Variants in SON observed in about 807,000 individuals in gnomAD.
SON encodes the protein SON DNA and RNA binding protein, also known as protein SON.
Under a neutral mutation model 173.3 loss-of-function variants are expected in SON, and 4 were observed. That is an observed-to-expected ratio of 0.02 (90% CI 0.01 to 0.05). The LOEUF (loss-of-function observed/expected upper bound fraction) is 0.05, where lower values mean the gene tolerates loss of function less well. SON is among the 10% of genes least tolerant of loss of function. The pLI is 1.00. For synonymous variants in SON, 1,190 were observed against 1,105.9 expected, an observed-to-expected ratio of 1.08 and a Z score of -1.51; for missense variants, 2,626 against 3,055.3, an observed-to-expected ratio of 0.86 and a Z score of 3.31.
At chr21:33,564,032 C>T (rs1046512533) in intron 6 of SON, among the ~76,000 whole-genome samples, 14 of 152,118 alleles carry the variant, frequency 9.2e-5, no homozygotes, top group African/African-American at 3.1e-4. Flanking sequence ...TTTTTATACA[C>T]TAGGTAACAT....
chr21:33,573,498 A>C, intron 9 of SON, 43 bp downstream of exon 9: 1 of 1,554,176 alleles, frequency 6.4e-7, no homozygotes, highest in Non-Finnish European at 8.8e-7. Flanking sequence ...GTCTCCTTTA[A>C]CATTACCTTT....
intron 6 of SON, among the ~76,000 whole-genome samples, chr21:33,565,209 A>G (rs578140921): frequency 1.3e-5 from 2 of 152,304 alleles, no homozygotes; most frequent in South Asian, 2.1e-4. Flanking sequence ...TCTAGAAGTT[A>G]TATTTTAGAG....
Position 33,555,171 on chromosome 21 carries a change from C to A in SON, c.5940C>A (p.Thr1980=), listed in dbSNP as rs2085938422. 1.3e-6 allele frequency: 2 copies of A among 1,543,380 alleles called. No homozygotes were observed. Among genetic ancestry groups the A allele is most frequent in the South Asian group, 1.2e-5 (1 of 84,866 alleles). ...RSRTPSRRSR[T]PSRRSRTPSR... ...GCACCCCCAGCCGCCGCAGCCGCACCCCCAGCCGCCGGAGCCGCACCCCTA... is the reference window on the plus strand; with the variant it reads ...GCACCCCCAGCCGCCGCAGCCGCACACCCAGCCGCCGGAGCCGCACCCCTA... The change falls in exon 3 of 12, where the codon ACC becomes ACA. Residue 1980 remains threonine (T), a synonymous_variant. Coordinates refer to ENST00000356577, the MANE Select transcript of SON (RefSeq NM_138927.4).
In SON at chr21:33,559,176, AC is replaced by A. The variant is rs1454389257; in HGVS notation, c.6322-53del. ...TATGTGGTTTTGATTCTAAGAAATT[AC>A]ATGTTCTACATAAAGCGTAAGATTT... On this transcript the variant is annotated intron_variant, in intron 4 of 11. Transcript: ENST00000356577. The surrounding 1 kb of genome is among the most constrained non-coding windows in gnomAD (Gnocchi z 4.1). 3.0e-6 allele frequency: 4 copies of A among 1,343,492 alleles called. No individual in the cohort carries two copies. Among genetic ancestry groups the A allele is most frequent in the Non-Finnish European group, 3.0e-6 (3 of 1,005,538 alleles). 83.2% of individuals were successfully genotyped at this position (1,343,492 alleles called of 1,614,324 possible).
intron 3 of SON, 66 bp from the exon 4 acceptor site, chr21:33,557,090 G>T: frequency 6.8e-7 from 1 of 1,462,364 alleles, no homozygotes; most frequent in South Asian, 1.3e-5. Context: ...TAGTATGTTA[G>T]ACTTTTGGTA....
In SON at chr21:33,550,370, C is replaced by T. The variant is rs765881222; in HGVS notation, c.1139C>T (p.Ala380Val). Reference protein sequence around the residue: ...LELQESSVASAMELPGPPATS... With the variant: ...LELQESSVASVMELPGPPATS... ...CTGCAGGAGTCGTCGGTGGCCTCAG[C>T]GATGGAGTTGCCGGGGCCACCTGCG... is the stretch of plus-strand genomic sequence containing the variant. The change falls in exon 3 of 12, where the codon GCG (alanine) becomes GTG (valine). Residue 380 changes from alanine (A) to valine (V), a missense_variant. Physicochemically the swap from Ala to Val is moderately conservative, Grantham distance 64. Transcript: ENST00000356577. 1.4e-5 allele frequency: 23 copies of T among 1,613,972 alleles called. No homozygotes were observed. Among genetic ancestry groups the T allele is most frequent in the African/African-American group, 5.3e-5 (4 of 74,920 alleles).
Position 33,552,998 on chromosome 21 carries a change from A to G in SON, c.3767A>G (p.Glu1256Gly), listed in dbSNP as rs147302393. The G allele has an allele frequency of 3.5e-3, 5,649 of 1,610,576 alleles. 306 individuals carry two copies. In the Admixed American group the frequency reaches 0.089, roughly 25 times the overall value. The change falls in exon 3 of 12, where the codon GAA becomes GGA. Residue 1256 changes from glutamate (E) to glycine (G), a missense_variant. Glu to Gly is a moderately conservative substitution (Grantham distance 98). Transcript: ENST00000356577. The surrounding 1 kb of genome is among the most constrained non-coding windows in gnomAD (Gnocchi z 5.6). ...VTVPEPPPEP[E>G]SSITLTPVES... ...GTTCCAGAACCACCACCAGAGCCAG[A>G]ATCTTCAATTACGTTAACACCTGTA...
chr21:33,543,780 C>G (rs1336186912), intron 1 of SON, among the ~76,000 whole-genome samples: 2 of 152,146 alleles, frequency 1.3e-5, no homozygotes, highest in African/African-American at 2.4e-5. Context: ...TGTTAAAATA[C>G]TCGAGATAAA....
chr21:33,559,054 G>T lies in SON; in HGVS notation c.6322-176G>T. ...AGGTGCTCAATAAATGTTGTTGACT[G>T]ACTGACCAGCCAGAGTGTGTTTAAA... On this transcript the variant is annotated intron_variant, in intron 4 of 11. Transcript: ENST00000356577. This position sits in a 1 kb window ranked among gnomAD's most constrained non-coding sequence, Gnocchi z 4.1. 2.6e-6 allele frequency: 1 copy of T among 384,212 alleles called. No individual in the cohort carries two copies. 23.8% of individuals were successfully genotyped at this position (384,212 alleles called of 1,614,324 possible). A position where few individuals can be genotyped will look rare whatever the true frequency, so the allele number is the denominator to read the frequency against.
chr21:33,547,401 G>A (rs1349198406), intron 2 of SON, among the ~76,000 whole-genome samples: 5 of 152,128 alleles, frequency 3.3e-5, no homozygotes, highest in African/African-American at 9.7e-5. Context: ...AATATTTAGC[G>A]TTTTTGGAAT....
rs2085700803 is a variant in SON at position 33,549,413 on chromosome 21, A to G, written c.245-63A>G. 5 of 1,362,502 alleles carry G rather than the reference A, an allele frequency of 3.7e-6. No individual in the cohort carries two copies. The South Asian group carries it at 7.5e-5, about 20-fold the overall frequency. The allele number at this position is 1,362,502 out of a possible 1,614,324, so 84.4% of individuals were successfully genotyped here. ...TAACATGGAATGTAAATATGGGTTT[A>G]TATGATTTAATCTAACTCTACTTTG... On this transcript the variant is annotated intron_variant, in intron 2 of 11. Transcript: ENST00000356577.
In SON at chr21:33,549,544, A is replaced by G. The variant is rs758988708; in HGVS notation, c.313A>G (p.Thr105Ala). The G allele has an allele frequency of 1.5e-5, 23 of 1,583,398 alleles. No individual in the cohort carries two copies. The African/African-American group carries it at 2.5e-4, about 17-fold the overall frequency. ...AACAGATCCTACTGATGAAATTCCC[A>G]CTAAAAAGTCAAAGAAGCATAAAAA... ...VQTDPTDEIP[T>A]KKSKKHKKHK... Residue 105 changes from threonine to alanine, a missense_variant, in exon 3 of 12, where the codon ACT becomes GCT. Thr to Ala is a moderately conservative substitution (Grantham distance 58, BLOSUM62 0). Coordinates refer to ENST00000356577, the MANE Select transcript of SON (RefSeq NM_138927.4).
chr21:33,551,804 C>T lies in SON; in HGVS notation c.2573C>T (p.Thr858Ile), dbSNP rs1414527778. ...ACCATGGACTCCCAGATGTTAGCAA[C>T]TAGCTCAATGGATTCCCAGATGTTA... is the stretch of plus-strand genomic sequence containing the variant. ...TSTMDSQMLA[T>I]SSMDSQMLAS... Residue 858 changes from threonine (T) to isoleucine (I), a missense_variant, in exon 3 of 12, where the codon ACT (threonine) becomes ATT (isoleucine). Thr to Ile is a moderately conservative substitution (Grantham distance 89). Coordinates refer to ENST00000356577, the MANE Select transcript of SON (RefSeq NM_138927.4). 6.2e-7 allele frequency: 1 copy of T among 1,613,628 alleles called. No homozygotes were observed. The highest frequency in any genetic ancestry group is 8.5e-7 in the Non-Finnish European group (1 of 1,180,038).
At position 33,569,103 on chromosome 21, in the gene SON, A is replaced by G. The variant is rs747199620; in HGVS notation, c.6885+16A>G. 4 of 1,425,254 alleles carry G rather than the reference A, an allele frequency of 2.8e-6. No individual in the cohort carries two copies. The highest frequency in any genetic ancestry group is 3.9e-6 in the Non-Finnish European group (4 of 1,019,196). The allele number at this position is 1,425,254 out of a possible 1,614,324, so 88.3% of individuals were successfully genotyped here. On this transcript the variant is annotated intron_variant, in intron 8 of 11. Coordinates refer to ENST00000356577, the MANE Select transcript of SON (RefSeq NM_138927.4). Reference sequence around the variant, plus strand: ...GATTAAAAAGGTACACAGTATATGCACATATGAAAGTGTCGAACAAAAAGT... The same window carrying G: ...GATTAAAAAGGTACACAGTATATGCGCATATGAAAGTGTCGAACAAAAAGT...
Position 33,552,750 on chromosome 21 carries a change from T to A in SON, c.3519T>A (p.Pro1173=). ...CACCAATGACACCACCATTGCCTCC[T>A]GAGGAACCACCAGAGGGTCCAGCAT... The part of the protein sequence containing the change: ...EEPPMTPPLP[P]EEPPEGPALP... The change falls in exon 3 of 12, where the codon CCT becomes CCA. Residue 1173 remains proline (P), a synonymous_variant. Transcript: ENST00000356577. The surrounding 1 kb of genome is among the most constrained non-coding windows in gnomAD (Gnocchi z 5.6). 1 of 1,613,924 alleles carries A rather than the reference T, an allele frequency of 6.2e-7. No individual in the cohort carries two copies. The highest frequency in any genetic ancestry group is 8.5e-7 in the Non-Finnish European group (1 of 1,180,026).
chr21:33,566,794 A>G (rs1265448558), intron 6 of SON, among the ~76,000 whole-genome samples: 2 of 152,164 alleles, frequency 1.3e-5, no homozygotes, highest in African/African-American at 2.4e-5. Context: ...ACCTTACCAC[A>G]GTTCAAAAAA....
intron 9 of SON, among the ~76,000 whole-genome samples, chr21:33,574,753 A>T (rs555213918): frequency 6.6e-6 from 1 of 152,342 alleles, no homozygotes; most frequent in South Asian, 2.1e-4. Flanking sequence ...CAACCTGTAT[A>T]TGAATTGGGA....
At chr21:33,548,512 T>C (rs2085676706) in intron 2 of SON, among the ~76,000 whole-genome samples, 1 of 152,256 alleles carries the variant, frequency 6.6e-6, no homozygotes, top group Non-Finnish European at 1.5e-5. Context: ...ATATTTGTTA[T>C]TCAGATATTT....
At position 33,543,293 on chromosome 21, in the gene SON, G is replaced by T. The variant is rs560986578; in HGVS notation, c.77+124G>T. 32 of 889,650 alleles carry T rather than the reference G, an allele frequency of 3.6e-5. No individual in the cohort carries two copies. In the East Asian group the frequency reaches 8.0e-4, roughly 22 times the overall value. The allele number at this position is 889,650 out of a possible 1,614,324, so 55.1% of individuals were successfully genotyped here. ...CAGGCCCCGCTAGGGCCCCGCCTGG[G>T]CCTGGGATCCATTTTCCGGGCCCCC... On this transcript the variant is annotated intron_variant, in intron 1 of 11. Transcript: ENST00000356577.
Sources: gnomAD v4.1 joint callset for allele counts (sites outside exome capture counted in the v4.1 genomes callset) on GRCh38, gnomAD v4.1.1 for gene constraint, Gnocchi (gnomAD v3.1) non-coding constraint, MANE v1.5 for transcripts, NCBI Gene and HGNC (gene_info 2026-07-23, HGNC 2026-07-21) for gene names.